ARMC3: variants seen among roughly 807,000 people sequenced by gnomAD.
ARMC3 encodes armadillo repeat-containing protein 3.
In ARMC3, 74 loss-of-function variants were observed where a neutral mutation model predicts 90.3. The observed-to-expected ratio is 0.82, with a 90% CI of 0.68 to 0.99. The LOEUF (loss-of-function observed/expected upper bound fraction) is 0.99, where lower values mean the gene tolerates loss of function less well. ARMC3 is among the 50% of genes least tolerant of loss of function. The pLI is 0.00. For missense variants in ARMC3, 958 were observed against 1,042.8 expected (o/e 0.92, Z 1.12); for synonymous variants, 334 against 361.8 (o/e 0.92, Z 0.87).
At chr10:23,033,190 T>C (rs998789711) in intron 18 of ARMC3, among the ~76,000 whole-genome samples, 167 bp downstream of exon 18, 8 of 110,876 alleles carry the variant, frequency 7.2e-5, no homozygotes, top group African/African-American at 1.4e-4. Flanking sequence ...AGCATACACA[T>C]ATATATATAT....
rs897785916 is a variant in ARMC3 at position 22,946,836 on chromosome 10, A to G, written c.166+575A>G. ...AATAAGCTTACAATGGATAAACCTGACAAACACTACCGCAGCTAGGTGATC... is the reference window on the plus strand; with the variant it reads ...AATAAGCTTACAATGGATAAACCTGGCAAACACTACCGCAGCTAGGTGATC... On this transcript the variant is annotated intron_variant, in intron 3 of 18. Coordinates refer to ENST00000298032, the MANE Select transcript of ARMC3 (RefSeq NM_173081.5). Among the ~76,000 whole-genome samples the G allele has an allele frequency of 9.2e-5, 14 of 152,172 alleles. 1 individual carries two copies. Among genetic ancestry groups the G allele is most frequent in the African/African-American group, 3.4e-4 (14 of 41,436 alleles).
rs761000209 is a variant in ARMC3 at position 23,037,326 on chromosome 10, A to T, written c.2466A>T (p.Arg822Ser). 7.4e-6 allele frequency: 12 copies of T among 1,613,836 alleles called. No homozygotes were observed. In the South Asian group the frequency reaches 1.1e-4, roughly 15 times the overall value. The change falls in exon 19 of 19, where the codon AGA becomes AGT. Residue 822 changes from arginine to serine, a missense_variant. By Grantham distance (110) the Arg-to-Ser change is moderately radical (BLOSUM62 -1). Transcript: ENST00000298032. ...CCCTAGTTCGCGGAGAGTACGGTAGAGCGTGGAATGAAGTCATGCTGCAGA... is the reference window on the plus strand; with the variant it reads ...CCCTAGTTCGCGGAGAGTACGGTAGTGCGTGGAATGAAGTCATGCTGCAGA... ...GCSLVRGEYG[R>S]AWNEVMLQND...
intron 16 of ARMC3, among the ~76,000 whole-genome samples, chr10:23,011,025 C>G (rs1396421909): frequency 1.3e-5 from 2 of 149,052 alleles, no homozygotes; most frequent in Admixed American, 6.7e-5. Flanking sequence ...CTCTCCTTCC[C>G]TTCCCTCCTC....
At chr10:22,962,724 A>C (rs752109508) in intron 7 of ARMC3, among the ~76,000 whole-genome samples, 8 of 152,242 alleles carry the variant, frequency 5.3e-5, no homozygotes, top group Non-Finnish European at 7.3e-5. Flanking sequence ...AGAGATAGGA[A>C]CATATTGAAG....
intron 16 of ARMC3, among the ~76,000 whole-genome samples, chr10:23,021,674 T>C (rs1196808214): frequency 6.6e-6 from 1 of 152,224 alleles, no homozygotes; most frequent in Non-Finnish European, 1.5e-5. Context: ...GTCATTCATT[T>C]TTTGCTTGTT....
intron 16 of ARMC3, among the ~76,000 whole-genome samples, chr10:23,029,697 A>G (rs1455701153): frequency 2.0e-5 from 3 of 152,202 alleles, no homozygotes; most frequent in Admixed American, 6.5e-5. Flanking sequence ...TTGCATCTCT[A>G]CATGTTAAAA....
chr10:22,945,888 G>A (rs947751733), intron 2 of ARMC3, among the ~76,000 whole-genome samples: 2 of 152,118 alleles, frequency 1.3e-5, no homozygotes, highest in Non-Finnish European at 2.9e-5. Context: ...ATTCCACATG[G>A]CTAAATTGAG....
At chr10:22,930,825 T>C (rs1183842840) in intron 1 of ARMC3, among the ~76,000 whole-genome samples, 2 of 152,224 alleles carry the variant, frequency 1.3e-5, no homozygotes. Flanking sequence ...TCCTACGATA[T>C]ACCGTTTAAG....
At chr10:22,950,787 G>A (rs1408529576) in intron 3 of ARMC3, among the ~76,000 whole-genome samples, 2 of 152,082 alleles carry the variant, frequency 1.3e-5, no homozygotes, top group Admixed American at 1.3e-4. Context: ...CAACAGATAT[G>A]TCATGCTAGC....
chr10:23,015,299 T>C (rs1366810060), intron 16 of ARMC3, among the ~76,000 whole-genome samples: 1 of 152,230 alleles, frequency 6.6e-6, no homozygotes, highest in Non-Finnish European at 1.5e-5. Flanking sequence ...GGCAAAACAC[T>C]CATAGGAGAC....
intron 12 of ARMC3, 50 bp downstream of exon 12, chr10:23,002,105 GGA>G: frequency 1.3e-6 from 2 of 1,596,024 alleles, no homozygotes; most frequent in South Asian, 2.3e-5. Flanking sequence ...AGCAGAAGAC[GGA>G]GAGGCACACT....
At chr10:23,025,912 T>C (rs1179265687) in intron 16 of ARMC3, among the ~76,000 whole-genome samples, 1 of 152,060 alleles carries the variant, frequency 6.6e-6, no homozygotes, top group Non-Finnish European at 1.5e-5. Flanking sequence ...GAATTATTAC[T>C]ATAACCCCTC....
intron 11 of ARMC3, among the ~76,000 whole-genome samples, chr10:22,998,983 G>A (rs762188821): frequency 2.0e-5 from 3 of 152,176 alleles, no homozygotes; most frequent in South Asian, 2.1e-4. Flanking sequence ...TCAAGAAAGC[G>A]GTTGCTTCTG....
At chr10:22,973,340 T>C (rs1280476003) in intron 8 of ARMC3, among the ~76,000 whole-genome samples, 2 of 149,044 alleles carry the variant, frequency 1.3e-5, no homozygotes, top group African/African-American at 4.9e-5. Flanking sequence ...TAATAAATCC[T>C]AACATCTTTG....
rs111326209 is a variant in ARMC3, at chr10:22,929,680, T to C, written c.-2+1574T>C. Among the ~76,000 whole-genome samples, 596 of 152,308 alleles carry C rather than the reference T, an allele frequency of 3.9e-3. 3 individuals carry two copies. Among genetic ancestry groups the C allele is most frequent in the African/African-American group, 0.012 (499 of 41,564 alleles). On this transcript the variant is annotated intron_variant, in intron 1 of 18. Transcript: ENST00000298032. ...CTCCTGCCTCAGCCTCCCCAGTAGC[T>C]GGGAATGCAGGCACATGCCACCGCC... is the stretch of plus-strand genomic sequence containing the variant.
chr10:23,006,867 C>A lies in ARMC3; in HGVS notation c.1732-17C>A, dbSNP rs1433794067. 2.5e-6 allele frequency: 4 copies of A among 1,612,290 alleles called. No individual in the cohort carries two copies. In the East Asian group the frequency reaches 8.9e-5, roughly 36 times the overall value. On this transcript the variant is annotated splice_polypyrimidine_tract_variant and intron_variant, in intron 13 of 18. Coordinates refer to ENST00000298032, the MANE Select transcript of ARMC3 (RefSeq NM_173081.5). Reference sequence around the variant, plus strand: ...CCCCTGCAGATACTACTTTTTGGTCCTTAAATTATCTCACAGATAAATCCC... The same window carrying A: ...CCCCTGCAGATACTACTTTTTGGTCATTAAATTATCTCACAGATAAATCCC...
intron 8 of ARMC3, among the ~76,000 whole-genome samples, 166 bp from the exon 9 acceptor site, chr10:22,981,174 T>C (rs1440485981): frequency 6.6e-6 from 1 of 152,242 alleles, no homozygotes; most frequent in Non-Finnish European, 1.5e-5. Flanking sequence ...TTTTGCATAA[T>C]TACTGTATTC....
At chr10:22,991,368 A>C (rs772467281) in intron 10 of ARMC3, among the ~76,000 whole-genome samples, 1 of 152,080 alleles carries the variant, frequency 6.6e-6, no homozygotes, top group African/African-American at 2.4e-5. Flanking sequence ...GCCGGATGTG[A>C]TCCGTCGGTA....
chr10:22,988,578 G>A (rs1836564956), intron 10 of ARMC3, among the ~76,000 whole-genome samples: 1 of 152,044 alleles, frequency 6.6e-6, no homozygotes, highest in African/African-American at 2.4e-5. Context: ...CCTTAGAATT[G>A]CCTATATTTC....
Sources: gnomAD v4.1 joint callset for allele counts (sites outside exome capture counted in the v4.1 genomes callset) on GRCh38, gnomAD v4.1.1 for gene constraint, MANE v1.5 for transcripts, NCBI Gene and HGNC (gene_info 2026-07-23, HGNC 2026-07-21) for gene names.